Variants in DNM3 observed in about 807,000 individuals in gnomAD.
The protein encoded by DNM3 is dynamin-3.
Under a neutral mutation model 101.6 loss-of-function variants are expected in DNM3, and 47 were observed. The ratio of observed to expected loss-of-function variants is 0.46; its 90% CI spans 0.37 to 0.59. DNM3 has a LOEUF of 0.59. Ranked by LOEUF, DNM3 falls within the 20% of genes least tolerant of loss-of-function variation. DNM3 has a pLI of 0.00. For synonymous variants in DNM3, 385 were observed against 387.9 expected (o/e 0.99, Z 0.09); for missense variants, 849 against 1,085.7 (o/e 0.78, Z 3.06).
intron 20 of DNM3, among the ~76,000 whole-genome samples, chr1:172,406,397 G>A (rs2070887261): frequency 6.6e-6 from 1 of 151,932 alleles, no homozygotes; most frequent in Non-Finnish European, 1.5e-5. Context: ...CAAGATTCAG[G>A]ACATAAGTTA....
intron 13 of DNM3, among the ~76,000 whole-genome samples, chr1:172,124,292 A>G (rs1470177698): frequency 1.3e-5 from 2 of 152,172 alleles, no homozygotes; most frequent in Non-Finnish European, 2.9e-5. Flanking sequence ...CTTTGCCACC[A>G]TGCATTTACC....
chr1:172,132,969 C>A, intron 14 of DNM3: 1 of 1,541,074 alleles, frequency 6.5e-7, no homozygotes, highest in Non-Finnish European at 8.8e-7. Flanking sequence ...TGAACCCAGG[C>A]TGTTGAGCTC....
chr1:172,079,571 C>T (rs896805836), intron 11 of DNM3, among the ~76,000 whole-genome samples: 1 of 152,094 alleles, frequency 6.6e-6, no homozygotes, highest in Non-Finnish European at 1.5e-5. Context: ...GAACATGCTC[C>T]TTTAGCTTGG....
chr1:171,995,297 G>T (rs1350139475), intron 4 of DNM3, among the ~76,000 whole-genome samples: 1 of 151,806 alleles, frequency 6.6e-6, no homozygotes, highest in Non-Finnish European at 1.5e-5. Context: ...TGGAGACAGG[G>T]TTTCACCATG....
At chr1:172,157,874 C>G (rs1417556659) in intron 14 of DNM3, among the ~76,000 whole-genome samples, 1 of 151,946 alleles carries the variant, frequency 6.6e-6, no homozygotes, top group African/African-American at 2.4e-5. Flanking sequence ...CTCACAGACA[C>G]CAAGAGACAA....
intron 15 of DNM3, among the ~76,000 whole-genome samples, chr1:172,298,239 T>C (rs891784854): frequency 4.6e-5 from 7 of 152,222 alleles, no homozygotes; most frequent in Non-Finnish European, 1.0e-4. Flanking sequence ...TTCCTCATTC[T>C]TTCCCTCTCT....
In DNM3 at chr1:172,387,631, C is replaced by T. The variant is rs1246189600; in HGVS notation, c.2285+272C>T. Among the ~76,000 whole-genome samples the T allele has an allele frequency of 2.0e-5, 3 of 151,364 alleles. No homozygotes were observed. The East Asian group carries it at 5.8e-4, about 29-fold the overall frequency. On this transcript the variant is annotated intron_variant, in intron 19 of 20. Coordinates refer to ENST00000627582, the MANE Select transcript of DNM3 (RefSeq NM_015569.5). ...CCGAGATCGTGCACTGCACTCCAGC[C>T]TGGGTGACAGAGCAAGACTCCGTCT...
chr1:171,952,192 G>T (rs1330511801), intron 2 of DNM3, among the ~76,000 whole-genome samples: 1 of 152,192 alleles, frequency 6.6e-6, no homozygotes, highest in Non-Finnish European at 1.5e-5. Flanking sequence ...CACACTTTTA[G>T]TTAATCCTTT....
At chr1:172,221,880 C>T (rs868428613) in intron 14 of DNM3, among the ~76,000 whole-genome samples, 3 of 151,984 alleles carry the variant, frequency 2.0e-5, no homozygotes, top group Non-Finnish European at 2.9e-5. Flanking sequence ...TTAAATCCCC[C>T]GTTTGAAATT....
chr1:171,894,147 G>A (rs1444439343), intron 1 of DNM3, among the ~76,000 whole-genome samples: 10 of 150,642 alleles, frequency 6.6e-5, no homozygotes, highest in African/African-American at 2.2e-4. Flanking sequence ...TAATAGAGCC[G>A]GGGTTTTACC....
At position 172,308,806 on chromosome 1, in the gene DNM3, A is replaced by C. The variant is rs1454601265; in HGVS notation, c.1848A>C (p.Leu616=). ...ATGTCGACAGCTGGAAGGCATCTCT[A>C]CTAAGAGCTGGGGTCTATCCTGACA... is the stretch of plus-strand genomic sequence containing the variant. The part of the protein sequence containing the change: ...QEDVDSWKAS[L]LRAGVYPDKS... The change falls in exon 16 of 21, where the codon CTA becomes CTC. Residue 616 remains leucine (L), a synonymous_variant. Transcript: ENST00000627582. 1 of 1,610,694 alleles carries C rather than the reference A, an allele frequency of 6.2e-7. No individual in the cohort carries two copies. Among genetic ancestry groups the C allele is most frequent in the Non-Finnish European group, 8.5e-7 (1 of 1,178,492 alleles).
intron 14 of DNM3, among the ~76,000 whole-genome samples, chr1:172,167,750 C>G (rs1045053361): frequency 1.3e-5 from 2 of 151,938 alleles, no homozygotes; most frequent in African/African-American, 2.4e-5. Flanking sequence ...TTACTTGGGA[C>G]AAACAGGTAC....
chr1:171,869,393 A>G (rs2035066450), intron 1 of DNM3, among the ~76,000 whole-genome samples: 1 of 152,152 alleles, frequency 6.6e-6, no homozygotes, highest in South Asian at 2.1e-4. Context: ...CAAGATCTCC[A>G]GTGTGTGATT....
intron 12 of DNM3, among the ~76,000 whole-genome samples, chr1:172,090,341 G>A (rs1191342493): frequency 6.6e-6 from 1 of 152,172 alleles, no homozygotes; most frequent in Non-Finnish European, 1.5e-5. Context: ...AAGAAAGTAA[G>A]GAGGAGATCC....
intron 4 of DNM3, among the ~76,000 whole-genome samples, chr1:171,991,913 T>G (rs1260495719): frequency 6.6e-6 from 1 of 152,234 alleles, no homozygotes; most frequent in Non-Finnish European, 1.5e-5. Flanking sequence ...CTGCAAATGA[T>G]ACCATTCAGT....
intron 14 of DNM3, among the ~76,000 whole-genome samples, chr1:172,160,647 T>G (rs996733194): frequency 2.6e-5 from 4 of 151,994 alleles, no homozygotes; most frequent in Non-Finnish European, 4.4e-5. Context: ...AGGACCTGCC[T>G]ATGACTGTTT....
At position 172,257,615 on chromosome 1, in the gene DNM3, CAT is replaced by C. The variant is rs199922694; in HGVS notation, c.1769+3934_1769+3935del. On this transcript the variant is annotated intron_variant, in intron 15 of 20. Coordinates refer to ENST00000627582, the MANE Select transcript of DNM3 (RefSeq NM_015569.5). ...AATATTTATACGTATTTATGGAGTA[CAT>C]GTGATATTCTATTACACGCATAGCA... Among the ~76,000 whole-genome samples, 1,033 of 152,070 alleles carry C rather than the reference CAT, an allele frequency of 6.8e-3. 22 individuals are homozygous for C. The highest frequency in any genetic ancestry group is 0.024 in the African/African-American group (978 of 41,488).
At chr1:172,154,937 C>T (rs1404161340) in intron 14 of DNM3, among the ~76,000 whole-genome samples, 1 of 151,938 alleles carries the variant, frequency 6.6e-6, no homozygotes, top group Non-Finnish European at 1.5e-5. Flanking sequence ...AGAATTTTAT[C>T]CTAAGTTTTA....
At chr1:172,323,752 A>G (rs1352611239) in intron 17 of DNM3, among the ~76,000 whole-genome samples, 2 of 152,204 alleles carry the variant, frequency 1.3e-5, no homozygotes, top group East Asian at 1.9e-4. Context: ...AAAAACCCCA[A>G]ACTGGAGTCT....
Sources: gnomAD v4.1 joint callset for allele counts (sites outside exome capture counted in the v4.1 genomes callset) on GRCh38, gnomAD v4.1.1 for gene constraint, MANE v1.5 for transcripts, NCBI Gene and HGNC (gene_info 2026-07-23, HGNC 2026-07-21) for gene names.